The following COL25A1 variants were observed in gnomAD, a reference collection of about 807,000 sequenced individuals.
COL25A1 encodes collagen type XXV alpha 1 chain, also known as collagen alpha-1(XXV) chain.
Under a neutral mutation model 128.4 loss-of-function variants are expected in COL25A1, and 103 were observed. The ratio of observed to expected loss-of-function variants is 0.80; its 90% CI spans 0.68 to 0.94. The LOEUF (loss-of-function observed/expected upper bound fraction) is 0.94, where lower values mean the gene tolerates loss of function less well. COL25A1 is among the 40% of genes least tolerant of loss of function. COL25A1 has a pLI of 0.00. For synonymous variants in COL25A1, 279 were observed against 277.2 expected (o/e 1.01, Z -0.06); for missense variants, 745 against 840.0 (o/e 0.89, Z 1.40).
intron 3 of COL25A1, among the ~76,000 whole-genome samples, chr4:109,136,130 G>C (rs1223439714): frequency 5.9e-5 from 9 of 152,168 alleles, no homozygotes; most frequent in Non-Finnish European, 1.3e-4. Context: ...AGGCACGGTG[G>C]CTCACATCTG....
At chr4:109,297,430 G>C (rs1725078599) in intron 3 of COL25A1, among the ~76,000 whole-genome samples, 1 of 151,970 alleles carries the variant, frequency 6.6e-6, no homozygotes, top group Admixed American at 6.6e-5. Context: ...TTTAAGCCCA[G>C]GTCCTATCCA....
At chr4:108,942,275 A>G (rs891007523) in intron 8 of COL25A1, 2 of 1,550,162 alleles carry the variant, frequency 1.3e-6, no homozygotes, top group Non-Finnish European at 1.7e-6. Flanking sequence ...GGCCCTATGG[A>G]CATAGCACAG....
At chr4:108,968,972 C>T (rs1751621706) in intron 8 of COL25A1, among the ~76,000 whole-genome samples, 1 of 152,108 alleles carries the variant, frequency 6.6e-6, no homozygotes, top group South Asian at 2.1e-4. Flanking sequence ...ACCTCAGCGT[C>T]TTTCCATTTC....
chr4:108,959,359 TCTGG>T lies in COL25A1; in HGVS notation c.492+15004_492+15007del, dbSNP rs1410472989. Among the ~76,000 whole-genome samples, 916 of 152,194 alleles carry T rather than the reference TCTGG, an allele frequency of 6.0e-3. 6 individuals are homozygous for T. Among genetic ancestry groups the T allele is most frequent in the African/African-American group, 0.021 (866 of 41,566 alleles). On this transcript the variant is annotated intron_variant, in intron 8 of 37. Transcript: ENST00000399132. ...AAATGAAATGTATCTACTACCAAAA[TCTGG>T]TTCACAGGTTACCAGTTTGCAGCCT... is the stretch of plus-strand genomic sequence containing the variant.
Position 108,886,467 on chromosome 4 carries a change from TGTGTGTGTGTG to T in COL25A1, c.976-2256_976-2246del, listed in dbSNP as rs1237518346. Among the ~76,000 whole-genome samples the T allele has an allele frequency of 6.6e-5, 8 of 120,814 alleles. No homozygotes were observed. The East Asian group carries it at 3.0e-3, about 46-fold the overall frequency. 79.3% of individuals were successfully genotyped at this position (120,814 alleles called of 152,430 possible). On this transcript the variant is annotated intron_variant, in intron 18 of 37. Transcript: ENST00000399132. The stretch of plus-strand genomic sequence containing the variant: ...TTGTGTGTGTGTGTGTGTGTGTGTG[TGTGTGTGTGTG>T]TGTGTGTGTGTGTGTTTAGCTCATC...
intron 31 of COL25A1, chr4:108,838,115 C>T (rs1734018364): frequency 6.5e-7 from 1 of 1,549,850 alleles, no homozygotes; most frequent in Non-Finnish European, 8.7e-7. Flanking sequence ...CCAAGGGGTC[C>T]TCTGTCACCC....
intron 3 of COL25A1, among the ~76,000 whole-genome samples, chr4:109,086,753 C>T (rs557668118): frequency 1.3e-5 from 2 of 152,250 alleles, no homozygotes; most frequent in East Asian, 3.9e-4. Flanking sequence ...AAAACTCTGG[C>T]TAAGTCTTCT....
At chr4:109,158,374 C>T (rs1772234462) in intron 3 of COL25A1, among the ~76,000 whole-genome samples, 1 of 151,532 alleles carries the variant, frequency 6.6e-6, no homozygotes, top group African/African-American at 2.4e-5. Flanking sequence ...CAACTAAAAC[C>T]CTTCTAGGAA....
At chr4:108,865,698 C>T (rs543964222) in intron 20 of COL25A1, among the ~76,000 whole-genome samples, 1 of 152,114 alleles carries the variant, frequency 6.6e-6, no homozygotes, top group African/African-American at 2.4e-5. Context: ...AACAAAAACC[C>T]TTAAAAATAA....
chr4:109,186,234 T>G (rs904776087), intron 3 of COL25A1, among the ~76,000 whole-genome samples: 2 of 152,218 alleles, frequency 1.3e-5, no homozygotes, highest in African/African-American at 4.8e-5. Flanking sequence ...GACTCTCTTC[T>G]TGGTAAATTG....
At chr4:109,065,545 C>CGCGCGCGCGTGT (rs771855567) in intron 3 of COL25A1, among the ~76,000 whole-genome samples, 35 of 141,192 alleles carry the variant, frequency 2.5e-4, no homozygotes, top group African/African-American at 6.4e-4. Context: ...CGCGCGCGCG[C>CGCGCGCGCGTGT]GTGTGTGTGT....
At chr4:109,248,884 CA>C (rs1442041355) in intron 3 of COL25A1, among the ~76,000 whole-genome samples, 1 of 152,038 alleles carries the variant, frequency 6.6e-6, no homozygotes, top group Non-Finnish European at 1.5e-5. Flanking sequence ...AGCTCCTGGC[CA>C]AAAATTTTCT....
intron 6 of COL25A1, among the ~76,000 whole-genome samples, chr4:108,989,427 C>T (rs939541980): frequency 6.6e-6 from 1 of 152,060 alleles, no homozygotes; most frequent in African/African-American, 2.4e-5. Flanking sequence ...GGAAGGTGTG[C>T]TATAACTCTT....
At chr4:109,001,626 C>T (rs1755426818) in intron 6 of COL25A1, among the ~76,000 whole-genome samples, 1 of 152,190 alleles carries the variant, frequency 6.6e-6, no homozygotes. Flanking sequence ...TGAGCAGAAA[C>T]TCAATTATCA....
chr4:109,063,932 C>T (rs1174645705), intron 3 of COL25A1, among the ~76,000 whole-genome samples: 1 of 152,010 alleles, frequency 6.6e-6, no homozygotes, highest in South Asian at 2.1e-4. Flanking sequence ...TTAGGGAAGC[C>T]AATTATGAGT....
At chr4:108,855,614 A>AT (rs975630886) in intron 24 of COL25A1, among the ~76,000 whole-genome samples, 1 of 152,102 alleles carries the variant, frequency 6.6e-6, no homozygotes, top group Non-Finnish European at 1.5e-5. Context: ...GCTAGTTTGT[A>AT]TTTTTTTAAA....
rs1369800500 is a variant in COL25A1, at chr4:109,176,232, T to C, written c.367+124351A>G. On this transcript the variant is annotated intron_variant, in intron 3 of 37. Coordinates refer to ENST00000399132, the MANE Select transcript of COL25A1 (RefSeq NM_198721.4). The stretch of plus-strand genomic sequence containing the variant: ...TGGTGAAACCCTGTCTCTACTAAAA[T>C]ACAAAAAATTAACCAGGCATGGTGG... 5.9e-5 allele frequency among the ~76,000 whole-genome samples: 9 copies of C among 151,978 alleles called. No individual in the cohort carries two copies. The South Asian group carries it at 1.4e-3, about 24-fold the overall frequency.
chr4:109,078,188 C>T (rs1763545722), intron 3 of COL25A1, among the ~76,000 whole-genome samples: 1 of 152,154 alleles, frequency 6.6e-6, no homozygotes, highest in Non-Finnish European at 1.5e-5. Flanking sequence ...ACTGGAATAA[C>T]ATCACCCATA....
At chr4:109,019,353 C>T (rs13132551) in intron 5 of COL25A1, among the ~76,000 whole-genome samples, 75,257 of 117,340 alleles carry the variant, frequency 0.64, 23,188 homozygotes, top group African/African-American at 0.82. Flanking sequence ...CACACATACA[C>T]ACACACACAC....
Sources: gnomAD v4.1 joint callset for allele counts (sites outside exome capture counted in the v4.1 genomes callset) on GRCh38, gnomAD v4.1.1 for gene constraint, MANE v1.5 for transcripts, NCBI Gene and HGNC (gene_info 2026-07-23, HGNC 2026-07-21) for gene names.